The following MYOM2 variants were observed in gnomAD, a reference collection of about 807,000 sequenced individuals.
The protein encoded by MYOM2 is myomesin 2, also known as myomesin-2.
A neutral mutation model predicts 187.6 loss-of-function variants in MYOM2; 254 were observed. That is an observed-to-expected ratio of 1.35 (90% CI 1.22 to 1.50). MYOM2 has a LOEUF of 1.50. Ranked by LOEUF, MYOM2 falls within the 40% of genes most tolerant of loss-of-function variation. The probability of loss-of-function intolerance (pLI) is 0.00; values close to 1 mark genes in which losing one functional copy is unlikely to be tolerated. For missense variants in MYOM2, 2,796 were observed against 1,924.0 expected (o/e 1.45, Z -8.48); for synonymous variants, 981 against 753.8 (o/e 1.30, Z -4.94).
At chr8:2,113,709 G>A (rs1416720173) in intron 25 of MYOM2, among the ~76,000 whole-genome samples, 1 of 152,128 alleles carries the variant, frequency 6.6e-6, no homozygotes, top group Non-Finnish European at 1.5e-5. Flanking sequence ...CCATGTCCGC[G>A]GGCTCTCACC....
chr8:2,124,341 C>G, intron 31 of MYOM2, 124 bp downstream of exon 31: 1 of 952,634 alleles, frequency 1.0e-6, no homozygotes, highest in Non-Finnish European at 1.6e-6. Flanking sequence ...GTGGGAGGCC[C>G]TGGATGGAAG....
intron 19 of MYOM2, chr8:2,100,585 G>A (rs1052056578): frequency 1.2e-5 from 5 of 404,652 alleles, no homozygotes; most frequent in Admixed American, 3.7e-5. Context: ...CCCGCACACC[G>A]TTCCTCTCTG....
At chr8:2,057,301 T>G in intron 3 of MYOM2, 47 bp from the exon 4 acceptor site, 2 of 1,565,474 alleles carry the variant, frequency 1.3e-6, no homozygotes, top group East Asian at 2.3e-5. Context: ...GGCCACGTGG[T>G]TTTCTTCGTG....
chr8:2,068,468 G>A (rs1013019538), intron 6 of MYOM2, among the ~76,000 whole-genome samples: 1 of 149,366 alleles, frequency 6.7e-6, no homozygotes, highest in Non-Finnish European at 1.5e-5. Flanking sequence ...CAGGCGGAGA[G>A]CATCCCGTGG....
At chr8:2,071,917 C>T (rs1819235811) in intron 8 of MYOM2, among the ~76,000 whole-genome samples, 1 of 152,126 alleles carries the variant, frequency 6.6e-6, no homozygotes, top group South Asian at 2.1e-4. Flanking sequence ...CCTGGGGTCC[C>T]ACTCTCACGA....
At chr8:2,133,561 A>G (rs1417519460) in intron 32 of MYOM2, among the ~76,000 whole-genome samples, 1 of 152,198 alleles carries the variant, frequency 6.6e-6, no homozygotes, top group Non-Finnish European at 1.5e-5. Context: ...CCTGGGTTCA[A>G]GTGATTCTCC....
At chr8:2,093,019 G>T (rs564755178) in intron 16 of MYOM2, among the ~76,000 whole-genome samples, 2 of 152,296 alleles carry the variant, frequency 1.3e-5, no homozygotes, top group Admixed American at 1.3e-4. Flanking sequence ...CAGTGACCCT[G>T]CCTTTGGAGA....
intron 21 of MYOM2, among the ~76,000 whole-genome samples, chr8:2,104,125 G>A (rs1796813961): frequency 7.2e-6 from 1 of 138,096 alleles, no homozygotes; most frequent in South Asian, 2.4e-4. Flanking sequence ...AAATATTACT[G>A]CTGGATTTTT....
At chr8:2,142,561 C>T (rs1798309665) in intron 35 of MYOM2, among the ~76,000 whole-genome samples, 164 bp downstream of exon 35, 2 of 152,096 alleles carry the variant, frequency 1.3e-5, no homozygotes, top group African/African-American at 4.8e-5. Flanking sequence ...AGCCCCATGT[C>T]CTGCACCACT....
In MYOM2 at chr8:2,102,756, G is replaced by A. The variant is rs775545462; in HGVS notation, c.2709G>A (p.Glu903=). Residue 903 remains glutamate, a synonymous_variant, in exon 21 of 37, where the codon GAG becomes GAA. Transcript: ENST00000262113. ...NGVGKPSDTS[E]PVLVEARPGT... Reference sequence around the variant, plus strand: ...TGGGGAAGCCCTCAGACACGTCGGAGCCTGTGCTGGTAGAGGCGAGACCAG... The same window carrying A: ...TGGGGAAGCCCTCAGACACGTCGGAACCTGTGCTGGTAGAGGCGAGACCAG... 2.5e-6 allele frequency: 4 copies of A among 1,613,934 alleles called. No homozygotes were observed. The highest frequency in any genetic ancestry group is 3.4e-6 in the Non-Finnish European group (4 of 1,179,782).
intron 32 of MYOM2, among the ~76,000 whole-genome samples, chr8:2,139,345 T>G (rs1447660223): frequency 1.3e-5 from 2 of 152,014 alleles, no homozygotes; most frequent in African/African-American, 4.8e-5. Context: ...CTTGCTTTGT[T>G]TTCCAGGCTG....
At chr8:2,077,813 C>A (rs1819486083) in intron 11 of MYOM2, among the ~76,000 whole-genome samples, 1 of 152,238 alleles carries the variant, frequency 6.6e-6, no homozygotes, top group African/African-American at 2.4e-5. Flanking sequence ...GTGGGGGGTG[C>A]AGCTCCTCCT....
At chr8:2,130,480 A>C (rs1053863018) in intron 32 of MYOM2, among the ~76,000 whole-genome samples, 1 of 152,244 alleles carries the variant, frequency 6.6e-6, no homozygotes, top group African/African-American at 2.4e-5. Flanking sequence ...CCTAATGAAT[A>C]TTTCCAAAGG....
intron 8 of MYOM2, among the ~76,000 whole-genome samples, chr8:2,071,787 G>T (rs1348050910): frequency 6.6e-6 from 1 of 152,228 alleles, no homozygotes; most frequent in African/African-American, 2.4e-5. Context: ...ACACTCAGCA[G>T]GCATGGCTTC....
At chr8:2,062,337 G>A (rs1193749260) in intron 6 of MYOM2, among the ~76,000 whole-genome samples, 1 of 152,210 alleles carries the variant, frequency 6.6e-6, no homozygotes, top group Non-Finnish European at 1.5e-5. Context: ...GCAGGGCCTG[G>A]CAGGCCTGGT....
chr8:2,138,210 A>G (rs1055527245), intron 32 of MYOM2, among the ~76,000 whole-genome samples: 2 of 152,292 alleles, frequency 1.3e-5, no homozygotes, highest in African/African-American at 4.8e-5. Context: ...GTTGCCTTTA[A>G]TGTAAGCGCC....
intron 32 of MYOM2, among the ~76,000 whole-genome samples, chr8:2,134,372 G>A (rs753838389): frequency 6.6e-6 from 1 of 152,150 alleles, no homozygotes; most frequent in African/African-American, 2.4e-5. Flanking sequence ...GTTTTAGCTG[G>A]AATACAACAA....
At chr8:2,102,850 T>C in intron 21 of MYOM2, 69 bp downstream of exon 21, 1 of 1,255,070 alleles carries the variant, frequency 8.0e-7, no homozygotes, top group South Asian at 1.3e-5. Context: ...ATTATGGATG[T>C]ATGGATGAGG....
At chr8:2,094,164 G>T (rs1796403144) in intron 17 of MYOM2, 73 bp downstream of exon 17, 4 of 1,561,756 alleles carry the variant, frequency 2.6e-6, no homozygotes, top group Non-Finnish European at 3.5e-6. Flanking sequence ...AAACATTTGT[G>T]ATGCCATTTG....
Sources: allele counts gnomAD v4.1 joint callset (sites outside exome capture counted in the v4.1 genomes callset), GRCh38; gene constraint gnomAD v4.1.1; transcripts MANE v1.5; gene names NCBI Gene and HGNC (gene_info 2026-07-23, HGNC 2026-07-21).